Variants in NELL1 observed in about 807,000 individuals in gnomAD.
The protein encoded by NELL1 is protein kinase C-binding protein NELL1.
In NELL1, 76 loss-of-function variants were observed where a neutral mutation model predicts 107.4. That is an observed-to-expected ratio of 0.71 (90% confidence interval 0.59 to 0.86). NELL1 has a LOEUF of 0.86. Ranked by LOEUF, NELL1 falls within the 40% of genes least tolerant of loss-of-function variation. NELL1 has a pLI of 0.00. For missense variants in NELL1, 1,024 were observed against 1,005.5 expected, an observed-to-expected ratio of 1.02 and a Z score of -0.25; for synonymous variants, 353 against 341.2, an observed-to-expected ratio of 1.03 and a Z score of -0.38.
intron 2 of NELL1, among the ~76,000 whole-genome samples, chr11:20,707,400 C>T (rs1242790246): frequency 7.9e-5 from 12 of 152,198 alleles, no homozygotes; most frequent in Admixed American, 7.9e-4. Context: ...CAGCTTTGTT[C>T]CATTGCTGGC....
chr11:21,099,121 A>G (rs1468535056), intron 12 of NELL1, among the ~76,000 whole-genome samples: 1 of 151,936 alleles, frequency 6.6e-6, no homozygotes, highest in Non-Finnish European at 1.5e-5. Context: ...CTCAAAAGGC[A>G]TAAATTCTGA....
intron 17 of NELL1, among the ~76,000 whole-genome samples, chr11:21,560,826 C>T (rs1156942535): frequency 6.6e-6 from 1 of 152,092 alleles, no homozygotes; most frequent in African/African-American, 2.4e-5. Context: ...GACTTGCATC[C>T]AGTGCTGAGA....
chr11:20,826,826 C>A (rs1221757167), intron 3 of NELL1, among the ~76,000 whole-genome samples: 1 of 151,206 alleles, frequency 6.6e-6, no homozygotes, highest in African/African-American at 2.4e-5. Context: ...AAGACCTTTG[C>A]ATGGAGGAGT....
chr11:21,384,278 T>G (rs1010743802), intron 15 of NELL1, among the ~76,000 whole-genome samples: 2 of 151,820 alleles, frequency 1.3e-5, no homozygotes, highest in African/African-American at 4.8e-5. Flanking sequence ...CTCCCCATTT[T>G]CACTGCGTAA....
intron 14 of NELL1, among the ~76,000 whole-genome samples, chr11:21,294,151 C>G (rs12226001): frequency 6.6e-6 from 1 of 152,072 alleles, no homozygotes; most frequent in Non-Finnish European, 1.5e-5. Context: ...ATGGGCATTG[C>G]TTAATCAGAG....
chr11:20,907,842 A>C (rs1398583641), intron 5 of NELL1, among the ~76,000 whole-genome samples: 1 of 152,188 alleles, frequency 6.6e-6, no homozygotes, highest in Non-Finnish European at 1.5e-5. Flanking sequence ...AGAATTTACA[A>C]GGAACTTAAA....
chr11:21,571,911 T>A (rs965320604), intron 18 of NELL1, among the ~76,000 whole-genome samples: 9 of 151,906 alleles, frequency 5.9e-5, no homozygotes, highest in African/African-American at 2.2e-4. Flanking sequence ...ATGATTCTCA[T>A]TTTATGGGTA....
intron 5 of NELL1, among the ~76,000 whole-genome samples, chr11:20,910,185 A>G (rs1371154240): frequency 6.6e-6 from 1 of 152,144 alleles, no homozygotes; most frequent in African/African-American, 2.4e-5. Context: ...TTCATTATCT[A>G]ACAGGCCAGC....
At chr11:21,209,614 A>G (rs1157760940) in intron 13 of NELL1, among the ~76,000 whole-genome samples, 1 of 152,058 alleles carries the variant, frequency 6.6e-6, no homozygotes, top group African/African-American at 2.4e-5. Context: ...TAATTTACAT[A>G]GTATAAGTTT....
chr11:21,492,180 C>G (rs1315205280), intron 15 of NELL1, among the ~76,000 whole-genome samples: 2 of 152,120 alleles, frequency 1.3e-5, no homozygotes, highest in Non-Finnish European at 1.5e-5. Context: ...AAATGCAAAT[C>G]AAATCCACAG....
At chr11:21,390,595 C>G (rs1359168004) in intron 15 of NELL1, among the ~76,000 whole-genome samples, 1 of 151,388 alleles carries the variant, frequency 6.6e-6, no homozygotes, top group Non-Finnish European at 1.5e-5. Context: ...GATCAGTATT[C>G]AGTGTTTACC....
At chr11:21,256,253 GTA>G (rs1312530238) in intron 14 of NELL1, among the ~76,000 whole-genome samples, 3 of 151,986 alleles carry the variant, frequency 2.0e-5, no homozygotes, top group Admixed American at 6.6e-5. Flanking sequence ...TTTATATAAT[GTA>G]TATTTGCTCT....
At chr11:21,091,373 C>T (rs74504338) in intron 12 of NELL1, among the ~76,000 whole-genome samples, 2,054 of 152,066 alleles carry the variant, frequency 0.014, 55 homozygotes, top group African/African-American at 0.046. Flanking sequence ...GGGGACTCAG[C>T]GAATAAAGTT....
Position 20,964,569 on chromosome 11 carries a change from A to T in NELL1, c.1300+4009A>T, listed in dbSNP as rs139069127. Among the ~76,000 whole-genome samples the T allele has an allele frequency of 2.5e-3, 384 of 152,288 alleles. 8 individuals are homozygous for T. The highest frequency in any genetic ancestry group is 0.02 in the Admixed American group (303 of 15,290). ...CCATTTTATGAGTACAGACAAGAGG[A>T]TTCAGAGAAATGAAGTAAAAAGATG... is the stretch of plus-strand genomic sequence containing the variant. On this transcript the variant is annotated intron_variant, in intron 12 of 19. Coordinates refer to ENST00000357134, the MANE Select transcript of NELL1 (RefSeq NM_006157.5).
intron 15 of NELL1, among the ~76,000 whole-genome samples, chr11:21,530,641 C>CT (rs1303925788): frequency 6.6e-6 from 1 of 151,970 alleles, no homozygotes; most frequent in Admixed American, 6.6e-5. Context: ...GCAATTATAA[C>CT]TTTTTTGTTA....
intron 12 of NELL1, among the ~76,000 whole-genome samples, chr11:20,978,386 A>G (rs1449908590): frequency 1.3e-5 from 2 of 152,174 alleles, no homozygotes; most frequent in Non-Finnish European, 2.9e-5. Context: ...CTGTTAATAA[A>G]TAAATGACAT....
At chr11:21,352,525 A>G (rs1398316639) in intron 14 of NELL1, among the ~76,000 whole-genome samples, 1 of 152,144 alleles carries the variant, frequency 6.6e-6, no homozygotes, top group East Asian at 1.9e-4. Flanking sequence ...AAACTCAATA[A>G]ATTTTAAGTG....
At chr11:20,841,207 C>T (rs892538110) in intron 3 of NELL1, among the ~76,000 whole-genome samples, 20 of 152,142 alleles carry the variant, frequency 1.3e-4, no homozygotes, top group African/African-American at 4.8e-4. Context: ...TATGGTGCCA[C>T]CACCCAATAA....
intron 2 of NELL1, among the ~76,000 whole-genome samples, chr11:20,781,500 C>T (rs1856849315): frequency 6.6e-6 from 1 of 152,158 alleles, no homozygotes; most frequent in Non-Finnish European, 1.5e-5. Context: ...ATACCCATAG[C>T]TGATAGGATA....
Sources: gnomAD v4.1 joint callset for allele counts (sites outside exome capture counted in the v4.1 genomes callset) on GRCh38, gnomAD v4.1.1 for gene constraint, MANE v1.5 for transcripts, NCBI Gene and HGNC (gene_info 2026-07-23, HGNC 2026-07-21) for gene names.